The following PIEZO2 variants were observed in gnomAD, a reference collection of about 807,000 sequenced individuals.
The protein encoded by PIEZO2 is piezo-type mechanosensitive ion channel component 2.
PIEZO2 carries 172 observed loss-of-function variants against 337.3 expected under a neutral mutation model. The observed-to-expected ratio is 0.51, with a 90% CI of 0.45 to 0.58. The LOEUF (loss-of-function observed/expected upper bound fraction) is 0.58, where lower values mean the gene tolerates loss of function less well. Ranked by LOEUF, PIEZO2 falls within the 20% of genes least tolerant of loss-of-function variation. The pLI, the probability that PIEZO2 is intolerant of heterozygous loss-of-function variation, is 0.00. For synonymous variants in PIEZO2, 1,251 were observed against 1,228.5 expected (o/e 1.02, Z -0.38); for missense variants, 3,028 against 3,391.3 (o/e 0.89, Z 2.66).
intron 35 of PIEZO2, among the ~76,000 whole-genome samples, chr18:10,732,410 C>T (rs1013515882): frequency 2.6e-5 from 4 of 152,180 alleles, no homozygotes; most frequent in African/African-American, 9.6e-5. Flanking sequence ...ATCTGTTCAT[C>T]TTATTCTATA....
At chr18:11,091,049 G>A (rs60908541) in intron 1 of PIEZO2, among the ~76,000 whole-genome samples, 21,073 of 151,980 alleles carry the variant, frequency 0.14, 3,105 homozygotes, top group African/African-American at 0.38. Context: ...CTATGCTAGT[G>A]TATATGAAAT....
chr18:11,122,725 T>C (rs2040063404), intron 1 of PIEZO2, among the ~76,000 whole-genome samples: 1 of 152,162 alleles, frequency 6.6e-6, no homozygotes, highest in South Asian at 2.1e-4. Context: ...AAGATTTATC[T>C]ATAAGACACT....
chr18:11,049,778 C>T (rs1014089766), intron 2 of PIEZO2, among the ~76,000 whole-genome samples: 3 of 152,138 alleles, frequency 2.0e-5, no homozygotes, highest in Admixed American at 6.5e-5. Context: ...TTTCGCCTCC[C>T]ACCATGATTG....
intron 54 of PIEZO2, 132 bp downstream of exon 54, chr18:10,675,077 T>G (rs1598340653): frequency 1.9e-6 from 1 of 539,698 alleles, no homozygotes; most frequent in Non-Finnish European, 3.3e-6. Flanking sequence ...CTGTCAGGGG[T>G]TTCATATATA....
At chr18:10,944,726 G>A (rs949729534) in intron 3 of PIEZO2, among the ~76,000 whole-genome samples, 2 of 151,840 alleles carry the variant, frequency 1.3e-5, no homozygotes, top group Admixed American at 6.6e-5. Flanking sequence ...ATGAGACAGT[G>A]TCCACTTTCA....
intron 4 of PIEZO2, among the ~76,000 whole-genome samples, chr18:10,905,581 CAAAAA>C (rs11318022): frequency 7.8e-6 from 1 of 127,960 alleles, no homozygotes; most frequent in Admixed American, 7.9e-5. Context: ...GAAACTGTTT[CAAAAA>C]AAAAAAAAAA....
At chr18:11,087,223 T>A (rs1225701205) in intron 1 of PIEZO2, among the ~76,000 whole-genome samples, 1 of 152,132 alleles carries the variant, frequency 6.6e-6, no homozygotes, top group East Asian at 1.9e-4. Context: ...CAGCCAGAAG[T>A]GTGAGAAATA....
chr18:11,100,807 G>A (rs557811211), intron 1 of PIEZO2, among the ~76,000 whole-genome samples: 118 of 152,260 alleles, frequency 7.7e-4, no homozygotes, highest in African/African-American at 2.7e-3. Context: ...GTGTTAGCCA[G>A]GATGGTCTCG....
chr18:10,706,654 C>G (rs568761719), intron 40 of PIEZO2, among the ~76,000 whole-genome samples: 2 of 152,300 alleles, frequency 1.3e-5, no homozygotes, highest in Admixed American at 1.3e-4. Flanking sequence ...TTGTCTCCTT[C>G]TTTTGTTCCT....
At chr18:11,014,304 T>A (rs1343106552) in intron 2 of PIEZO2, among the ~76,000 whole-genome samples, 1 of 70,996 alleles carries the variant, frequency 1.4e-5, no homozygotes, top group Admixed American at 1.4e-4. Context: ...CACGTCACCC[T>A]GGGTGGGACA....
chr18:11,104,888 T>C lies in PIEZO2; in HGVS notation c.65-38666A>G, dbSNP rs1598966156. Reference sequence around the variant, plus strand: ...CTAGGTGTGACTGGATGTGACTGGGTCTGGCTAATGAGGCCCCCTCCCCAG... The same window carrying C: ...CTAGGTGTGACTGGATGTGACTGGGCCTGGCTAATGAGGCCCCCTCCCCAG... On this transcript the variant is annotated intron_variant, in intron 1 of 55. Transcript: ENST00000674853. The surrounding 1 kb of genome is among the most constrained non-coding windows in gnomAD (Gnocchi z 4.6). Among the ~76,000 whole-genome samples the C allele has an allele frequency of 6.6e-6, 1 of 152,030 alleles. No individual in the cohort carries two copies. The highest frequency in any genetic ancestry group is 1.5e-5 in the Non-Finnish European group (1 of 68,014).
At position 10,979,408 on chromosome 18, in the gene PIEZO2, A is replaced by C; in HGVS notation, c.286+127T>G. 4 of 1,125,270 alleles carry C rather than the reference A, an allele frequency of 3.6e-6. No homozygotes were observed. Among genetic ancestry groups the C allele is most frequent in the Non-Finnish European group, 4.6e-6 (4 of 864,298 alleles). The allele number at this position is 1,125,270 out of a possible 1,614,324, so 69.7% of individuals were successfully genotyped here. ...TTACACTGCATTGCCAAAGACCAAA[A>C]ATTTCCATGAATTTTATAATTTAAT... On this transcript the variant is annotated intron_variant, in intron 3 of 55. Transcript: ENST00000674853. The surrounding 1 kb of genome is among the most constrained non-coding windows in gnomAD (Gnocchi z 4.0).
chr18:11,109,387 T>A lies in PIEZO2; in HGVS notation c.64+39138A>T, dbSNP rs768328194. On this transcript the variant is annotated intron_variant, in intron 1 of 55. Transcript: ENST00000674853. This position sits in a 1 kb window ranked among gnomAD's most constrained non-coding sequence, Gnocchi z 5.1. Reference sequence around the variant, plus strand: ...GTTAGCTATTTGATGGGGTGGCAGGTGGGAGCTGGGGGGTGTAGCTCTGAT... The same window carrying A: ...GTTAGCTATTTGATGGGGTGGCAGGAGGGAGCTGGGGGGTGTAGCTCTGAT... 6.6e-6 allele frequency among the ~76,000 whole-genome samples: 1 copy of A among 152,104 alleles called. No homozygotes were observed. Among genetic ancestry groups the A allele is most frequent in the Non-Finnish European group, 1.5e-5 (1 of 68,008 alleles).
Position 10,689,770 on chromosome 18 carries a change from C to T in PIEZO2, c.7382G>A (p.Arg2461Lys). 6.2e-7 allele frequency: 1 copy of T among 1,613,444 alleles called. No homozygotes were observed. Among genetic ancestry groups the T allele is most frequent in the Non-Finnish European group, 8.5e-7 (1 of 1,179,662 alleles). Reference protein sequence around the residue: ...FRLVPFLTELRAVMDWVWTDT... With the variant: ...FRLVPFLTELKAVMDWVWTDT... ...CGTCCACACCCAGTCCATCACTGCC[C>T]TCAGCTCAGTCAAAAAGGGCACGAG... Residue 2461 changes from arginine (R) to lysine (K), a missense_variant, in exon 49 of 56, where the codon AGG becomes AAG. Physicochemically the swap from Arg to Lys is conservative, Grantham distance 26. Transcript: ENST00000674853.
intron 4 of PIEZO2, among the ~76,000 whole-genome samples, chr18:10,896,021 T>C (rs528805043): frequency 4.1e-4 from 60 of 147,514 alleles, no homozygotes; most frequent in African/African-American, 1.5e-3. Flanking sequence ...GATCATGCCA[T>C]TGCACTCCAA....
At chr18:10,754,386 C>G (rs2037758682) in intron 27 of PIEZO2, among the ~76,000 whole-genome samples, 1 of 152,182 alleles carries the variant, frequency 6.6e-6, no homozygotes, top group Non-Finnish European at 1.5e-5. Flanking sequence ...TGCTTCTGAC[C>G]AGCAAGCATG....
intron 26 of PIEZO2, 122 bp from the exon 27 acceptor site, chr18:10,758,256 G>A (rs1465823308): frequency 6.0e-6 from 7 of 1,161,894 alleles, no homozygotes; most frequent in Non-Finnish European, 8.3e-6. Context: ...TGTTCCCAAA[G>A]TTCATAGTAA....
At chr18:10,822,968 C>G (rs776360850) in intron 7 of PIEZO2, among the ~76,000 whole-genome samples, 1 of 152,160 alleles carries the variant, frequency 6.6e-6, no homozygotes, top group Non-Finnish European at 1.5e-5. Context: ...AGACATTATA[C>G]AGGCTGCTAT....
chr18:10,814,139 T>C (rs2144395076), intron 7 of PIEZO2, among the ~76,000 whole-genome samples: 1 of 152,074 alleles, frequency 6.6e-6, no homozygotes. Context: ...AGCTAATTTT[T>C]TGTATTTTTT....
Sources: gnomAD v4.1 joint callset for allele counts (sites outside exome capture counted in the v4.1 genomes callset) on GRCh38, gnomAD v4.1.1 for gene constraint, Gnocchi (gnomAD v3.1) non-coding constraint, MANE v1.5 for transcripts, NCBI Gene and HGNC (gene_info 2026-07-23, HGNC 2026-07-21) for gene names.